DHRSX: variants seen among roughly 807,000 people sequenced by gnomAD.
DHRSX encodes polyprenol dehydrogenase.
In DHRSX, 31 loss-of-function variants were observed where a neutral mutation model predicts 34.0. The observed-to-expected ratio is 0.91, with a 90% CI of 0.69 to 1.23. The LOEUF is 1.23. DHRSX is among the 50% of genes most tolerant of loss of function. The probability of loss-of-function intolerance (pLI) is 0.00; values close to 1 mark genes in which losing one functional copy is unlikely to be tolerated. For synonymous variants in DHRSX, 201 were observed against 183.8 expected, an observed-to-expected ratio of 1.09 and a Z score of -0.76; for missense variants, 414 against 428.1, an observed-to-expected ratio of 0.97 and a Z score of 0.29.
At chrX:2,385,101 CAA>C (rs1190182568) in intron 3 of DHRSX, among the ~76,000 whole-genome samples, 1 of 101,960 alleles carries the variant, frequency 9.8e-6, no homozygotes, top group East Asian at 3.5e-4. Context: ...GACTCCATCT[CAA>C]ATATATATGT....
At chrX:2,468,874 A>G (rs1258496169) in intron 1 of DHRSX, among the ~76,000 whole-genome samples, 1 of 151,360 alleles carries the variant, frequency 6.6e-6, no homozygotes, top group Admixed American at 6.6e-5. Context: ...CCATGTACAC[A>G]CTGAAGAAGT....
chrX:2,387,531 G>A (rs1368134413), intron 3 of DHRSX, among the ~76,000 whole-genome samples: 1 of 152,030 alleles, frequency 6.6e-6, no homozygotes, highest in Non-Finnish European at 1.5e-5. Context: ...TGGGAGGCTA[G>A]ACCAGTCTAG....
chrX:2,362,299 TTTTG>T (rs780533162), intron 3 of DHRSX, among the ~76,000 whole-genome samples: 130 of 152,174 alleles, frequency 8.5e-4, no homozygotes, highest in African/African-American at 2.6e-3. Flanking sequence ...TCTACCTTGT[TTTTG>T]TTTGTTTGTT....
At chrX:2,449,298 G>A (rs1208552054) in intron 1 of DHRSX, among the ~76,000 whole-genome samples, 4 of 152,014 alleles carry the variant, frequency 2.6e-5, no homozygotes, top group South Asian at 2.1e-4. Flanking sequence ...GTTATTACTC[G>A]GAGGGCCGGG....
At position 2,345,514 on chromosome X, in the gene DHRSX, G is replaced by T. The variant is rs190407426; in HGVS notation, c.287-53911C>A. 7.0e-3 allele frequency among the ~76,000 whole-genome samples: 1,064 copies of T among 151,944 alleles called. 16 individuals are homozygous for T. Among genetic ancestry groups the T allele is most frequent in the African/African-American group, 0.023 (954 of 41,430 alleles). On this transcript the variant is annotated intron_variant, in intron 3 of 6. Coordinates refer to ENST00000334651, the MANE Select transcript of DHRSX (RefSeq NM_145177.3). The stretch of plus-strand genomic sequence containing the variant: ...AAAAATAAATTAGCTGGGCGTGGTG[G>T]TGTGTGCCTATAATCACAACTACTC...
At chrX:2,244,016 C>A (rs980810145) in intron 5 of DHRSX, among the ~76,000 whole-genome samples, 42 of 151,704 alleles carry the variant, frequency 2.8e-4, no homozygotes, top group African/African-American at 1.0e-3. Flanking sequence ...GGTGATCCAC[C>A]CTCCTTGGCC....
intron 3 of DHRSX, among the ~76,000 whole-genome samples, chrX:2,380,635 T>C (rs995051200): frequency 1.3e-5 from 2 of 152,080 alleles, no homozygotes; most frequent in African/African-American, 4.8e-5. Flanking sequence ...GGTGGCGGAT[T>C]TCCCCCTTGC....
At chrX:2,240,249 C>T (rs1299535443) in intron 6 of DHRSX, among the ~76,000 whole-genome samples, 3 of 150,016 alleles carry the variant, frequency 2.0e-5, no homozygotes, top group East Asian at 2.0e-4. Flanking sequence ...GCTGAGATCG[C>T]GCCAGTGCAC....
chrX:2,388,945 G>T (rs2043303292), intron 3 of DHRSX, among the ~76,000 whole-genome samples: 1 of 152,222 alleles, frequency 6.6e-6, no homozygotes. Flanking sequence ...AGGACACAGG[G>T]AGAAGACGGC....
At chrX:2,399,845 C>T (rs866537186) in intron 3 of DHRSX, among the ~76,000 whole-genome samples, 14 of 150,536 alleles carry the variant, frequency 9.3e-5, no homozygotes, top group Admixed American at 1.3e-4. Flanking sequence ...CCAGCCTGGG[C>T]GACATAATGA....
chrX:2,233,139 G>T (rs2015935924), intron 6 of DHRSX, among the ~76,000 whole-genome samples: 1 of 152,120 alleles, frequency 6.6e-6, no homozygotes, highest in Non-Finnish European at 1.5e-5. Context: ...TTCCTATCTG[G>T]CCGACCTCCT....
At chrX:2,352,245 A>C (rs1281913787) in intron 3 of DHRSX, among the ~76,000 whole-genome samples, 1 of 152,144 alleles carries the variant, frequency 6.6e-6, no homozygotes, top group Non-Finnish European at 1.5e-5. Flanking sequence ...CAAGATGTTC[A>C]GTATGAAAAT....
chrX:2,372,827 G>A (rs1003060954), intron 3 of DHRSX, among the ~76,000 whole-genome samples: 16 of 152,034 alleles, frequency 1.1e-4, no homozygotes, highest in African/African-American at 3.9e-4. Flanking sequence ...GGCGAGGCTG[G>A]TCTCGAACCC....
intron 6 of DHRSX, among the ~76,000 whole-genome samples, chrX:2,237,284 CCT>C: frequency 6.6e-6 from 1 of 152,140 alleles, no homozygotes; most frequent in African/African-American, 2.4e-5. Flanking sequence ...TCCAATCAAC[CCT>C]AAGACAGACT....
At chrX:2,445,899 T>A (rs1261042035) in intron 1 of DHRSX, among the ~76,000 whole-genome samples, 1 of 151,168 alleles carries the variant, frequency 6.6e-6, no homozygotes, top group Non-Finnish European at 1.5e-5. Context: ...CTGAAGATGT[T>A]CCCTAAGAAT....
At chrX:2,306,440 C>T (rs1415770067) in intron 3 of DHRSX, among the ~76,000 whole-genome samples, 1 of 150,818 alleles carries the variant, frequency 6.6e-6, no homozygotes, top group Non-Finnish European at 1.5e-5. Flanking sequence ...ATGAAGCCCA[C>T]AATTAAGATT....
intron 1 of DHRSX, among the ~76,000 whole-genome samples, chrX:2,479,186 A>G (rs1033831319): frequency 1.3e-5 from 2 of 151,884 alleles, no homozygotes; most frequent in Non-Finnish European, 2.9e-5. Flanking sequence ...TTCCCTAAGC[A>G]TGTGGCCCAA....
intron 4 of DHRSX, among the ~76,000 whole-genome samples, chrX:2,270,889 C>T (rs2041542585): frequency 6.6e-6 from 1 of 152,036 alleles, no homozygotes; most frequent in South Asian, 2.1e-4. Context: ...CCAATCAATG[C>T]TCTATAAAAT....
chrX:2,263,956 T>A (rs1004791767), intron 5 of DHRSX, among the ~76,000 whole-genome samples: 1 of 151,958 alleles, frequency 6.6e-6, no homozygotes, highest in Non-Finnish European at 1.5e-5. Context: ...TCGACAGGAG[T>A]CCACACCAAT....
Sources: allele counts gnomAD v4.1 joint callset (sites outside exome capture counted in the v4.1 genomes callset), GRCh38; gene constraint gnomAD v4.1.1; transcripts MANE v1.5; gene names NCBI Gene and HGNC (gene_info 2026-07-23, HGNC 2026-07-21).